The following CNIH3 variants were observed in gnomAD, a reference collection of about 807,000 sequenced individuals.
The protein encoded by CNIH3 is cornichon family AMPA receptor auxiliary protein 3, also known as protein cornichon homolog 3.
Under a neutral mutation model 24.1 loss-of-function variants are expected in CNIH3, and 14 were observed. The ratio of observed to expected loss-of-function variants is 0.58; its 90% CI spans 0.38 to 0.91. The LOEUF (loss-of-function observed/expected upper bound fraction) is 0.91. CNIH3 is among the 40% of genes least tolerant of loss of function. The probability of loss-of-function intolerance (pLI) is 0.00; values close to 1 mark genes in which losing one functional copy is unlikely to be tolerated. For missense variants in CNIH3, 178 were observed against 196.8 expected (o/e 0.90, Z 0.57); for synonymous variants, 68 against 73.8 (o/e 0.92, Z 0.40).
chr1:224,634,144 G>A (rs1420021144), intron 1 of CNIH3, among the ~76,000 whole-genome samples: 5 of 152,238 alleles, frequency 3.3e-5, no homozygotes, highest in South Asian at 2.1e-4. Flanking sequence ...TCCCCTGGCC[G>A]TGGAGGCAGT....
intron 4 of CNIH3, among the ~76,000 whole-genome samples, chr1:224,575,748 T>C (rs1681009402): frequency 6.6e-6 from 1 of 151,752 alleles, no homozygotes; most frequent in African/African-American, 2.4e-5. Context: ...ATGTGCTTTT[T>C]GTGGAAAAAA....
intron 3 of CNIH3, among the ~76,000 whole-genome samples, chr1:224,553,482 G>A (rs964865439): frequency 1.3e-5 from 2 of 152,072 alleles, no homozygotes; most frequent in African/African-American, 2.4e-5. Flanking sequence ...CCTCTGGTGC[G>A]ATGTGGCCAT....
Position 224,725,630 on chromosome 1 carries a change from C to G in CNIH3, c.199-4832C>G, listed in dbSNP as rs1215275283. ...CTGTGACTTTTAAAGTGTTTGGTCC[C>G]AGGCATGCTGACACCAGCCCCTCAG... On this transcript the variant is annotated intron_variant, in intron 3 of 5. Transcript: ENST00000272133. Among the ~76,000 whole-genome samples the G allele has an allele frequency of 2.6e-5, 4 of 152,134 alleles. No individual in the cohort carries two copies. In the East Asian group the frequency reaches 7.7e-4, roughly 29 times the overall value.
chr1:224,463,770 C>CTTATTTAT (rs1230160919), intron 1 of CNIH3, among the ~76,000 whole-genome samples: 3 of 87,070 alleles, frequency 3.4e-5, no homozygotes, highest in African/African-American at 1.6e-4. Flanking sequence ...ATGAATTGTC[C>CTTATTTAT]TCATTTTTTT....
chr1:224,524,178 C>G (rs1678752624), intron 2 of CNIH3, among the ~76,000 whole-genome samples: 1 of 152,194 alleles, frequency 6.6e-6, no homozygotes, highest in Admixed American at 6.5e-5. Flanking sequence ...CCCAGGGTCC[C>G]ACCTCAGATG....
chr1:224,675,233 G>A (rs906836235), intron 1 of CNIH3, among the ~76,000 whole-genome samples: 1 of 152,180 alleles, frequency 6.6e-6, no homozygotes, highest in African/African-American at 2.4e-5. Context: ...GATGAAATGG[G>A]CCAATTCCTT....
intron 1 of CNIH3, among the ~76,000 whole-genome samples, chr1:224,627,907 G>A (rs12564263): frequency 0.64 from 97,395 of 151,912 alleles, 32,519 homozygotes; most frequent in East Asian, 0.83. Flanking sequence ...GAGTCTCAGA[G>A]GCCATTGTCT....
chr1:224,478,803 A>G (rs1676686324), intron 1 of CNIH3, among the ~76,000 whole-genome samples: 1 of 152,214 alleles, frequency 6.6e-6, no homozygotes, highest in Non-Finnish European at 1.5e-5. Context: ...AAAGTTCCAC[A>G]TGGCTGGGGA....
At chr1:224,530,969 C>T (rs1277831517) in intron 2 of CNIH3, among the ~76,000 whole-genome samples, 1 of 152,042 alleles carries the variant, frequency 6.6e-6, no homozygotes, top group South Asian at 2.1e-4. Context: ...TTTTTTCCCC[C>T]CTAGGATAAA....
chr1:224,535,902 C>G (rs979371648), intron 2 of CNIH3, among the ~76,000 whole-genome samples: 1 of 152,216 alleles, frequency 6.6e-6, no homozygotes, highest in Non-Finnish European at 1.5e-5. Flanking sequence ...GGCATGGGAC[C>G]GCTGTCACCT....
intron 1 of CNIH3, among the ~76,000 whole-genome samples, chr1:224,507,658 C>T (rs1677973674): frequency 6.6e-6 from 1 of 152,198 alleles, no homozygotes; most frequent in Non-Finnish European, 1.5e-5. Context: ...GCTCTGTTAT[C>T]AAGGGTGTCT....
intron 1 of CNIH3, among the ~76,000 whole-genome samples, chr1:224,640,363 A>C (rs534994926): frequency 6.6e-6 from 1 of 151,792 alleles, no homozygotes; most frequent in South Asian, 2.1e-4. Flanking sequence ...AGACGCTGTG[A>C]CTCCCTCTTC....
At chr1:224,631,530 T>C (rs1225099029) in intron 1 of CNIH3, among the ~76,000 whole-genome samples, 1 of 152,198 alleles carries the variant, frequency 6.6e-6, no homozygotes, top group African/African-American at 2.4e-5. Context: ...CTTCCCTTCT[T>C]TCTCCCTCTT....
chr1:224,684,650 T>C lies in CNIH3; in HGVS notation c.151-146T>C. 1 of 700,654 alleles carries C rather than the reference T, an allele frequency of 1.4e-6. No homozygotes were observed. Among genetic ancestry groups the C allele is most frequent in the Non-Finnish European group, 2.6e-6 (1 of 385,056 alleles). The allele number at this position is 700,654 out of a possible 1,614,324, so 43.4% of individuals were successfully genotyped here. The stretch of plus-strand genomic sequence containing the variant: ...CAGAAACTCTGTTAGAAAAAGCCAC[T>C]GGGTGGGAGCATGCTGGCCATGTGC... On this transcript the variant is annotated intron_variant, in intron 2 of 5. Coordinates refer to ENST00000272133, the MANE Select transcript of CNIH3 (RefSeq NM_152495.2). This position sits in a 1 kb window ranked among gnomAD's most constrained non-coding sequence, Gnocchi z 4.2.
chr1:224,489,874 G>T (rs1224202412), intron 1 of CNIH3, among the ~76,000 whole-genome samples: 3 of 152,136 alleles, frequency 2.0e-5, no homozygotes, highest in Non-Finnish European at 4.4e-5. Flanking sequence ...GTGTTGAAAG[G>T]GGGCAAGGCA....
chr1:224,597,418 C>T (rs2125037210), intron 3 of CNIH3, among the ~76,000 whole-genome samples: 1 of 152,294 alleles, frequency 6.6e-6, no homozygotes, highest in African/African-American at 2.4e-5. Flanking sequence ...CAAGAAGAAT[C>T]TTAACAGACA....
At chr1:224,560,409 C>T (rs1680316108) in intron 3 of CNIH3, among the ~76,000 whole-genome samples, 1 of 152,146 alleles carries the variant, frequency 6.6e-6, no homozygotes, top group Non-Finnish European at 1.5e-5. Flanking sequence ...AATCAGGACC[C>T]TCCAACCCCT....
intron 3 of CNIH3, among the ~76,000 whole-genome samples, chr1:224,556,053 A>G (rs905082190): frequency 6.6e-6 from 1 of 152,162 alleles, no homozygotes; most frequent in African/African-American, 2.4e-5. Context: ...CTGGCATGGT[A>G]TATTGATGTT....
At chr1:224,514,267 T>TA (rs1475903741), upstream of CNIH3, among the ~76,000 whole-genome samples, 1 of 152,176 alleles carries the variant, frequency 6.6e-6, no homozygotes. Context: ...ATAAGGGCCT[T>TA]ACGATATTTT....
Sources: allele counts gnomAD v4.1 joint callset (sites outside exome capture counted in the v4.1 genomes callset), GRCh38; gene constraint gnomAD v4.1.1; non-coding constraint Gnocchi (gnomAD v3.1); transcripts MANE v1.5; gene names NCBI Gene and HGNC (gene_info 2026-07-23, HGNC 2026-07-21).